Variants in AGMO observed in about 807,000 individuals in gnomAD.
AGMO encodes the protein alkylglycerol monooxygenase.
AGMO carries 75 observed loss-of-function variants against 60.2 expected under a neutral mutation model. That is an observed-to-expected ratio of 1.25 (90% CI 1.03 to 1.51). The LOEUF (loss-of-function observed/expected upper bound fraction) is 1.51. Ranked by LOEUF, AGMO falls within the 40% of genes most tolerant of loss-of-function variation. The probability of loss-of-function intolerance (pLI) is 0.00; values close to 1 mark genes in which losing one functional copy is unlikely to be tolerated. For missense variants in AGMO, 763 were observed against 525.5 expected, an observed-to-expected ratio of 1.45 and a Z score of -4.42; for synonymous variants, 261 against 177.1, an observed-to-expected ratio of 1.47 and a Z score of -3.76.
intron 10 of AGMO, 115 bp from the exon 11 acceptor site, chr7:15,366,337 T>G (rs1346672478): frequency 4.9e-6 from 3 of 618,508 alleles, no homozygotes; most frequent in Non-Finnish European, 8.3e-6. Flanking sequence ...CCACTTGTCA[T>G]TGACACTTTA....
At chr7:15,272,979 GTTGT>G (rs1250447878) in intron 12 of AGMO, among the ~76,000 whole-genome samples, 1 of 151,748 alleles carries the variant, frequency 6.6e-6, no homozygotes, top group Non-Finnish European at 1.5e-5. Context: ...TTTTTGATGG[GTTGT>G]TTTTTTCTTG....
chr7:15,149,530 T>A, the AGMO span, among the ~76,000 whole-genome samples: 1 of 152,126 alleles, frequency 6.6e-6, no homozygotes, highest in Non-Finnish European at 1.5e-5. Context: ...AATCTGCATA[T>A]GTTTAGCTAG....
intron 3 of AGMO, among the ~76,000 whole-genome samples, chr7:15,462,939 C>T (rs551389956): frequency 1.3e-5 from 2 of 152,084 alleles, no homozygotes; most frequent in East Asian, 1.9e-4. Context: ...AGCTACACAA[C>T]GTCAGGTTGT....
intron 3 of AGMO, among the ~76,000 whole-genome samples, chr7:15,461,328 T>C (rs1485650922): frequency 6.6e-6 from 1 of 151,534 alleles, no homozygotes; most frequent in Non-Finnish European, 1.5e-5. Flanking sequence ...CCCTTTTCTA[T>C]TTTCAAAAAA....
the AGMO span, among the ~76,000 whole-genome samples, chr7:15,120,072 G>A: frequency 1.3e-4 from 20 of 150,628 alleles, no homozygotes; most frequent in East Asian, 3.1e-3. Context: ...GATCTTTTCC[G>A]TTGACATAGA....
the AGMO span, among the ~76,000 whole-genome samples, chr7:15,175,401 A>T: frequency 5.9e-5 from 9 of 152,086 alleles, no homozygotes; most frequent in Admixed American, 3.9e-4. Context: ...TTTAACACAC[A>T]CTAGTTATGA....
At chr7:15,518,960 A>G (rs1410251171) in intron 3 of AGMO, among the ~76,000 whole-genome samples, 1 of 151,924 alleles carries the variant, frequency 6.6e-6, no homozygotes, top group Non-Finnish European at 1.5e-5. Flanking sequence ...TAACCAGTTT[A>G]GAGAAGAACA....
the AGMO span, among the ~76,000 whole-genome samples, chr7:15,166,117 T>C: frequency 6.6e-6 from 1 of 152,098 alleles, no homozygotes; most frequent in Non-Finnish European, 1.5e-5. Flanking sequence ...GTAATAAACA[T>C]AATAAATAAG....
chr7:15,528,640 C>G (rs565848945), intron 3 of AGMO, among the ~76,000 whole-genome samples: 73 of 151,796 alleles, frequency 4.8e-4, no homozygotes, highest in Non-Finnish European at 9.3e-4. Context: ...GGAATACAGA[C>G]CATTTTTATT....
intron 12 of AGMO, among the ~76,000 whole-genome samples, chr7:15,321,195 T>G (rs1781096764): frequency 6.6e-6 from 1 of 152,194 alleles, no homozygotes; most frequent in Non-Finnish European, 1.5e-5. Context: ...ATTCCTCACT[T>G]AGACAATTTA....
intron 12 of AGMO, among the ~76,000 whole-genome samples, chr7:15,230,355 C>A (rs552004852): frequency 6.6e-6 from 1 of 152,156 alleles, no homozygotes; most frequent in East Asian, 1.9e-4. Context: ...AAAAAATTAC[C>A]CATAAATACA....
chr7:15,425,630 G>T (rs984506417), intron 4 of AGMO, among the ~76,000 whole-genome samples: 6 of 151,914 alleles, frequency 3.9e-5, no homozygotes, highest in African/African-American at 1.5e-4. Flanking sequence ...TGTAGAGACA[G>T]CATCTTGTGA....
intron 12 of AGMO, among the ~76,000 whole-genome samples, chr7:15,267,027 G>GA (rs1157555274): frequency 1.3e-5 from 2 of 151,870 alleles, no homozygotes; most frequent in African/African-American, 4.8e-5. Context: ...AGAACATAAA[G>GA]AAAATGAAAA....
intron 12 of AGMO, among the ~76,000 whole-genome samples, chr7:15,289,719 T>C (rs1352075245): frequency 6.6e-6 from 1 of 152,076 alleles, no homozygotes; most frequent in African/African-American, 2.4e-5. Flanking sequence ...AGGTAAATAC[T>C]GAATTATTGT....
At chr7:15,293,150 G>C (rs1303397140) in intron 12 of AGMO, among the ~76,000 whole-genome samples, 1 of 152,012 alleles carries the variant, frequency 6.6e-6, no homozygotes, top group Non-Finnish European at 1.5e-5. Context: ...CATGGTACAG[G>C]CTCAACAAAA....
At chr7:15,323,737 G>A (rs1009865810) in intron 12 of AGMO, among the ~76,000 whole-genome samples, 1 of 152,212 alleles carries the variant, frequency 6.6e-6, no homozygotes, top group African/African-American at 2.4e-5. Flanking sequence ...GGGCTTCAGA[G>A]CAGCTTTGCA....
chr7:15,144,882 T>A, the AGMO span, among the ~76,000 whole-genome samples: 4 of 152,204 alleles, frequency 2.6e-5, no homozygotes, highest in Admixed American at 2.6e-4. Context: ...CAGGCTGGAG[T>A]GCAGTGGTGC....
At chr7:15,121,605 C>T in the AGMO span, among the ~76,000 whole-genome samples, 1 of 151,994 alleles carries the variant, frequency 6.6e-6, no homozygotes, top group Admixed American at 6.6e-5. Flanking sequence ...TATTTGTCAG[C>T]TGCATAAATG....
intron 5 of AGMO, among the ~76,000 whole-genome samples, chr7:15,413,915 A>T (rs1050200316): frequency 8.5e-5 from 13 of 152,206 alleles, no homozygotes; most frequent in African/African-American, 2.9e-4. Context: ...AATAAAGAAG[A>T]TTAACTGTTT....
Sources: allele counts gnomAD v4.1 joint callset (sites outside exome capture counted in the v4.1 genomes callset), GRCh38; gene constraint gnomAD v4.1.1; transcripts MANE v1.5; gene names NCBI Gene and HGNC (gene_info 2026-07-23, HGNC 2026-07-21).